PTPRT: variants seen among roughly 807,000 people sequenced by gnomAD.
The protein encoded by PTPRT is receptor-type tyrosine-protein phosphatase T.
A neutral mutation model predicts 176.8 loss-of-function variants in PTPRT; 56 were observed. The observed-to-expected ratio is 0.32, with a 90% CI of 0.26 to 0.40. The LOEUF is 0.40. Ranked by LOEUF, PTPRT falls within the 10% of genes least tolerant of loss-of-function variation. PTPRT has a pLI of 1.00. For synonymous variants in PTPRT, 783 were observed against 739.0 expected (o/e 1.06, Z -0.96); for missense variants, 1,540 against 1,908.2 (o/e 0.81, Z 3.60).
rs529883269 is a variant in PTPRT at position 42,274,536 on chromosome 20, AGTGTGTGTGTGTGTGTGT to A, written c.2176+7935_2176+7952del. On this transcript the variant is annotated intron_variant, in intron 13 of 30. Coordinates refer to ENST00000373187, the MANE Select transcript of PTPRT (RefSeq NM_007050.6). Reference sequence around the variant, plus strand: ...TCTTTACTGTTTCCAGGCCCTGTACAGTGTGTGTGTGTGTGTGTGTGTGTGTGTGTGTGTGTGTGTGTG... The same window carrying A: ...TCTTTACTGTTTCCAGGCCCTGTACAGTGTGTGTGTGTGTGTGTGTGTGTG... Among the ~76,000 whole-genome samples, 240 of 113,332 alleles carry A rather than the reference AGTGTGTGTGTGTGTGTGT, an allele frequency of 2.1e-3. 2 individuals are homozygous for A. The Middle Eastern group carries it at 0.033, about 15-fold the overall frequency. The allele number at this position is 113,332 out of a possible 152,430, so 74.4% of individuals were successfully genotyped here.
At chr20:42,348,374 A>ATTTATTT (rs2058226784) in intron 11 of PTPRT, among the ~76,000 whole-genome samples, 1 of 146,596 alleles carries the variant, frequency 6.8e-6, no homozygotes, top group South Asian at 2.1e-4. Context: ...CATTTCTTTT[A>ATTTATTT]TTTATTTATT....
intron 1 of PTPRT, among the ~76,000 whole-genome samples, chr20:43,172,396 C>T (rs1174441024): frequency 6.6e-6 from 1 of 152,202 alleles, no homozygotes; most frequent in Non-Finnish European, 1.5e-5. Flanking sequence ...GGCTGTGCAG[C>T]AAGATCACTC....
intron 15 of PTPRT, among the ~76,000 whole-genome samples, chr20:42,210,815 C>A (rs2055604509): frequency 2.6e-5 from 4 of 152,106 alleles, no homozygotes; most frequent in Admixed American, 2.6e-4. Context: ...CATATGGAAC[C>A]AAAGAAGAGC....
At chr20:42,402,483 TAAAAAA>T (rs3061921) in intron 9 of PTPRT, among the ~76,000 whole-genome samples, 2 of 95,158 alleles carry the variant, frequency 2.1e-5, no homozygotes, top group Admixed American at 2.3e-4. Context: ...ATAGTGCAGT[TAAAAAA>T]AAAAAAAAAA....
intron 7 of PTPRT, among the ~76,000 whole-genome samples, chr20:42,623,817 C>T (rs1274270466): frequency 6.6e-6 from 1 of 151,622 alleles, no homozygotes; most frequent in Non-Finnish European, 1.5e-5. Context: ...CTTGGCTCTT[C>T]TCTCAGGCTA....
chr20:42,923,433 C>T (rs550258118), intron 1 of PTPRT, among the ~76,000 whole-genome samples: 56 of 152,274 alleles, frequency 3.7e-4, no homozygotes, highest in African/African-American at 1.3e-3. Flanking sequence ...ATGTGCAAGA[C>T]CTCGCAGATT....
At position 42,621,401 on chromosome 20, in the gene PTPRT, C is replaced by A. The variant is rs140754910; in HGVS notation, c.1153+56465G>T. ...ACAACCTCCTGTCCCCACCACATAG[C>A]CAAATTCATCAAAAGAGAAAAATAA... On this transcript the variant is annotated intron_variant, in intron 7 of 30. Coordinates refer to ENST00000373187, the MANE Select transcript of PTPRT (RefSeq NM_007050.6). 6.5e-4 allele frequency among the ~76,000 whole-genome samples: 99 copies of A among 152,314 alleles called. No individual in the cohort carries two copies. In the East Asian group the frequency reaches 0.016, roughly 25 times the overall value.
At chr20:42,637,475 C>T (rs1029045578) in intron 7 of PTPRT, among the ~76,000 whole-genome samples, 2 of 152,134 alleles carry the variant, frequency 1.3e-5, no homozygotes, top group African/African-American at 4.8e-5. Context: ...CTGCTTGCTC[C>T]CTCAACCCAG....
At chr20:42,582,438 A>G (rs1484198351) in intron 7 of PTPRT, among the ~76,000 whole-genome samples, 1 of 152,180 alleles carries the variant, frequency 6.6e-6, no homozygotes, top group Non-Finnish European at 1.5e-5. Flanking sequence ...AACGAACTGG[A>G]AAAATCCAAG....
intron 2 of PTPRT, among the ~76,000 whole-genome samples, chr20:42,840,445 CT>C (rs1569184931): frequency 6.6e-6 from 1 of 152,078 alleles, no homozygotes; most frequent in African/African-American, 2.4e-5. Flanking sequence ...CTGAGTCTCA[CT>C]CTGTTGTCCA....
chr20:42,755,994 A>G (rs2076826075), intron 6 of PTPRT, among the ~76,000 whole-genome samples: 1 of 152,244 alleles, frequency 6.6e-6, no homozygotes, highest in Non-Finnish European at 1.5e-5. Flanking sequence ...AAAATTGAAA[A>G]GAATTGAATC....
intron 6 of PTPRT, among the ~76,000 whole-genome samples, chr20:42,689,016 T>C (rs2075747556): frequency 6.6e-6 from 1 of 152,002 alleles, no homozygotes. Context: ...CACAGTTGTG[T>C]GGTATTGATA....
chr20:42,220,556 T>C (rs764391480), intron 15 of PTPRT, among the ~76,000 whole-genome samples: 2 of 108,824 alleles, frequency 1.8e-5, no homozygotes, highest in African/African-American at 3.6e-5. Flanking sequence ...AAAAATAAAA[T>C]AATAAAAATA....
chr20:42,266,792 T>A (rs561855977), intron 13 of PTPRT, among the ~76,000 whole-genome samples: 11 of 152,280 alleles, frequency 7.2e-5, no homozygotes, highest in Non-Finnish European at 1.6e-4. Context: ...GGGACAAAGA[T>A]GACCCTAGAT....
chr20:43,176,400 T>A (rs1320967983), intron 1 of PTPRT, among the ~76,000 whole-genome samples: 4 of 152,252 alleles, frequency 2.6e-5, no homozygotes, highest in African/African-American at 7.2e-5. Context: ...CAGACATCAC[T>A]TTTTAAAGGA....
At chr20:42,565,757 G>A (rs964367736) in intron 7 of PTPRT, among the ~76,000 whole-genome samples, 3 of 152,134 alleles carry the variant, frequency 2.0e-5, no homozygotes, top group Admixed American at 1.3e-4. Context: ...CATTGGTGTG[G>A]GAGCCGGGGC....
downstream of PTPRT, among the ~76,000 whole-genome samples, chr20:42,071,750 A>G (rs1982345676): frequency 6.6e-6 from 1 of 152,054 alleles, no homozygotes; most frequent in Non-Finnish European, 1.5e-5. Flanking sequence ...TCAACTTCCT[A>G]GGCTCAGGCA....
chr20:42,449,362 G>A (rs1192093357), intron 8 of PTPRT, among the ~76,000 whole-genome samples: 1 of 152,150 alleles, frequency 6.6e-6, no homozygotes, highest in African/African-American at 2.4e-5. Flanking sequence ...TCCTCCTGCT[G>A]GATTTCACTA....
intron 1 of PTPRT, among the ~76,000 whole-genome samples, chr20:42,958,636 T>C (rs1262844995): frequency 6.6e-6 from 1 of 152,044 alleles, no homozygotes; most frequent in Non-Finnish European, 1.5e-5. Context: ...CCCTCCACAT[T>C]GTCCCCTGCA....
Sources: gnomAD v4.1 joint callset for allele counts (sites outside exome capture counted in the v4.1 genomes callset) on GRCh38, gnomAD v4.1.1 for gene constraint, MANE v1.5 for transcripts, NCBI Gene and HGNC (gene_info 2026-07-23, HGNC 2026-07-21) for gene names.